RYK: variants seen among roughly 807,000 people sequenced by gnomAD.
RYK encodes receptor like tyrosine kinase, also known as inactive tyrosine-protein kinase RYK.
In RYK, 21 loss-of-function variants were observed where a neutral mutation model predicts 70.2. That is an observed-to-expected ratio of 0.30 (90% CI 0.21 to 0.43). The LOEUF is 0.43. RYK is among the 20% of genes least tolerant of loss of function. The pLI, the probability that RYK is intolerant of heterozygous loss-of-function variation, is 1.00. For missense variants in RYK, 604 were observed against 753.3 expected (o/e 0.80, Z 2.32); for synonymous variants, 267 against 278.0 (o/e 0.96, Z 0.39).
chr3:134,168,275 C>A (rs149684559), intron 13 of RYK, among the ~76,000 whole-genome samples: 13,091 of 152,182 alleles, frequency 0.086, 1,172 homozygotes, highest in South Asian at 0.32. Context: ...TACTGGGTAT[C>A]TACCCAAAGG....
intron 1 of RYK, among the ~76,000 whole-genome samples, chr3:134,244,859 C>T (rs1212377566): frequency 6.6e-6 from 1 of 152,188 alleles, no homozygotes; most frequent in East Asian, 1.9e-4. Flanking sequence ...GTGATTAGCT[C>T]ATAAGAGCAG....
At chr3:134,217,594 G>C (rs934015500) in intron 2 of RYK, among the ~76,000 whole-genome samples, 3 of 152,212 alleles carry the variant, frequency 2.0e-5, no homozygotes, top group Non-Finnish European at 2.9e-5. Context: ...CCAGGATATT[G>C]TTCAGTGCTC....
chr3:134,177,903 A>G (rs763994692), intron 11 of RYK, 38 bp downstream of exon 11: 1 of 1,557,038 alleles, frequency 6.4e-7, no homozygotes. Flanking sequence ...ATCAGAAACT[A>G]CTGGTAAATA....
chr3:134,227,031 A>G (rs925715170), intron 1 of RYK, among the ~76,000 whole-genome samples: 1 of 152,232 alleles, frequency 6.6e-6, no homozygotes, highest in South Asian at 2.1e-4. Flanking sequence ...TCATATGTAT[A>G]GAAAACACTG....
At chr3:134,221,651 C>G (rs1019995450) in intron 2 of RYK, among the ~76,000 whole-genome samples, 2 of 152,034 alleles carry the variant, frequency 1.3e-5, no homozygotes, top group Admixed American at 6.5e-5. Context: ...ATGACAGACA[C>G]TACTCTATAA....
intron 1 of RYK, among the ~76,000 whole-genome samples, chr3:134,237,433 T>G (rs1313458382): frequency 6.6e-6 from 1 of 152,168 alleles, no homozygotes; most frequent in Non-Finnish European, 1.5e-5. Flanking sequence ...TACTTAAATA[T>G]TAGATGCATG....
chr3:134,179,487 G>A (rs1385642005), intron 10 of RYK: 3 of 152,184 alleles, frequency 2.0e-5, no homozygotes, highest in East Asian at 3.8e-4. Context: ...AAGTGGCAGC[G>A]ATTAGGAGTT....
intron 13 of RYK, among the ~76,000 whole-genome samples, chr3:134,169,694 T>C (rs112712567): frequency 8.8e-4 from 134 of 152,344 alleles, no homozygotes; most frequent in African/African-American, 3.1e-3. Flanking sequence ...AATGTATTTC[T>C]AAATAAATCG....
At chr3:134,184,215 G>C (rs1360109694) in intron 9 of RYK, among the ~76,000 whole-genome samples, 2 of 152,096 alleles carry the variant, frequency 1.3e-5, no homozygotes, top group Non-Finnish European at 2.9e-5. Flanking sequence ...TGCCATTTTA[G>C]TTTTAGTTTC....
At chr3:134,219,405 C>T (rs947290507) in intron 2 of RYK, among the ~76,000 whole-genome samples, 7 of 152,178 alleles carry the variant, frequency 4.6e-5, no homozygotes, top group African/African-American at 1.7e-4. Flanking sequence ...TCCCACATTG[C>T]CTTTGTACTC....
rs994003808 is a variant in RYK, at chr3:134,250,333, G to A, written c.232+90C>T. The A allele has an allele frequency of 1.4e-5, 10 of 702,752 alleles. No individual in the cohort carries two copies. In the African/African-American group the frequency reaches 1.7e-4, roughly 12 times the overall value. 43.5% of individuals were successfully genotyped at this position (702,752 alleles called of 1,614,324 possible). A position where few individuals can be genotyped will look rare whatever the true frequency, so the allele number is the denominator to read the frequency against. ...GGGGGCGGGGAGGGTACTCGCCCGA[G>A]GTCCACGGCTCGCAGACTGATCCGC... On this transcript the variant is annotated intron_variant, in intron 1 of 14. Coordinates refer to ENST00000623711, the MANE Select transcript of RYK (RefSeq NM_002958.4).
chr3:134,214,225 A>G (rs549004523), intron 2 of RYK, among the ~76,000 whole-genome samples: 3 of 152,300 alleles, frequency 2.0e-5, no homozygotes, highest in Admixed American at 1.3e-4. Flanking sequence ...AATATTCAGT[A>G]TTCAATATCC....
At position 134,159,425 on chromosome 3, in the gene RYK, G is replaced by A. The variant is rs1305583905; in HGVS notation, c.1576-52C>T. ...GGGGACATTTAAAACAACAGTCAGG[G>A]GGCTAGCGCCCACAGCCAGCTACAG... On this transcript the variant is annotated intron_variant, in intron 13 of 14. Transcript: ENST00000623711. 7 of 1,511,706 alleles carry A rather than the reference G, an allele frequency of 4.6e-6. No individual in the cohort carries two copies. The African/African-American group carries it at 8.4e-5, about 18-fold the overall frequency. 93.6% of individuals were successfully genotyped at this position (1,511,706 alleles called of 1,614,324 possible).
chr3:134,200,444 A>T (rs978931224), intron 6 of RYK, among the ~76,000 whole-genome samples: 5 of 152,150 alleles, frequency 3.3e-5, no homozygotes, highest in Non-Finnish European at 5.9e-5. Context: ...CATCTGAAGG[A>T]ACAAACTCCA....
chr3:134,159,628 G>A (rs762595595), intron 13 of RYK, among the ~76,000 whole-genome samples: 2 of 152,182 alleles, frequency 1.3e-5, no homozygotes, highest in Non-Finnish European at 2.9e-5. Context: ...TTGATTACAA[G>A]CTACGTATTA....
At chr3:134,183,420 A>G (rs185976406) in intron 9 of RYK, 1 of 155,544 alleles carries the variant, frequency 6.4e-6, no homozygotes, top group East Asian at 1.9e-4. Context: ...GAGGCAGAGG[A>G]TATAAACACA....
In RYK at chr3:134,209,167, G is replaced by A. The variant is rs564823782; in HGVS notation, c.589+528C>T. ...TAAGTACCCACATACGGTATTCTAA[G>A]TTTTAGGCTAGATTTAATGAACCGT... On this transcript the variant is annotated intron_variant, in intron 4 of 14. Coordinates refer to ENST00000623711, the MANE Select transcript of RYK (RefSeq NM_002958.4). Among the ~76,000 whole-genome samples the A allele has an allele frequency of 3.3e-5, 5 of 152,240 alleles. No homozygotes were observed. The East Asian group carries it at 5.8e-4, about 18-fold the overall frequency.
chr3:134,158,302 G>GATACAGTA, intron 14 of RYK, 38 bp from the exon 15 acceptor site: 1 of 1,350,676 alleles, frequency 7.4e-7, no homozygotes, highest in African/African-American at 1.5e-5. Context: ...GGCTAGTAAG[G>GATACAGTA]ATACAGTATT....
rs190727598 is a variant in RYK, at chr3:134,175,164, C to T, written c.1575+445G>A. ...CAGCCTGGCCAACATGGTGAAACCC[C>T]GTCTCTACTAAAAATACAAAATTAG... is the stretch of plus-strand genomic sequence containing the variant. On this transcript the variant is annotated intron_variant, in intron 13 of 14. Coordinates refer to ENST00000623711, the MANE Select transcript of RYK (RefSeq NM_002958.4). Among the ~76,000 whole-genome samples the T allele has an allele frequency of 9.1e-4, 138 of 152,116 alleles. 3 individuals are homozygous for T. In the East Asian group the frequency reaches 0.023, roughly 25 times the overall value.
Sources: allele counts gnomAD v4.1 joint callset (sites outside exome capture counted in the v4.1 genomes callset), GRCh38; gene constraint gnomAD v4.1.1; transcripts MANE v1.5; gene names NCBI Gene and HGNC (gene_info 2026-07-23, HGNC 2026-07-21).